The following HOMER1 variants were observed in gnomAD, a reference collection of about 807,000 sequenced individuals.
The protein encoded by HOMER1 is homer scaffold protein 1.
A neutral mutation model predicts 48.9 loss-of-function variants in HOMER1; 3 were observed. The ratio of observed to expected loss-of-function variants is 0.06; its 90% CI spans 0.03 to 0.16. The LOEUF is 0.16. HOMER1 is among the 10% of genes least tolerant of loss of function. The pLI is 1.00. For synonymous variants in HOMER1, 134 were observed against 146.4 expected, an observed-to-expected ratio of 0.92 and a Z score of 0.61; for missense variants, 247 against 411.4, an observed-to-expected ratio of 0.60 and a Z score of 3.46.
intron 1 of HOMER1, chr5:79,511,069 C>G (rs183191895): frequency 3.6e-6 from 1 of 277,640 alleles, no homozygotes; most frequent in African/African-American, 2.2e-5. Flanking sequence ...GGCATTCATG[C>G]AGCTTAAAGG....
chr5:79,494,645 G>A (rs545459428), intron 1 of HOMER1, among the ~76,000 whole-genome samples: 29 of 152,252 alleles, frequency 1.9e-4, no homozygotes, highest in African/African-American at 6.7e-4. Flanking sequence ...AAGGCGGGTG[G>A]AACACTTGAG....
intron 8 of HOMER1, among the ~76,000 whole-genome samples, chr5:79,387,657 T>A (rs1048968674): frequency 2.0e-5 from 3 of 152,204 alleles, no homozygotes; most frequent in African/African-American, 7.2e-5. Flanking sequence ...ACATTTTCTA[T>A]GTACTAGGCA....
intron 1 of HOMER1, among the ~76,000 whole-genome samples, chr5:79,487,817 A>G (rs574466425): frequency 1.3e-5 from 2 of 152,312 alleles, no homozygotes; most frequent in Admixed American, 1.3e-4. Flanking sequence ...GGTACTGAAG[A>G]TGTGTTAAGA....
At chr5:79,449,807 G>T (rs1750984175) in intron 3 of HOMER1, among the ~76,000 whole-genome samples, 1 of 152,080 alleles carries the variant, frequency 6.6e-6, no homozygotes, top group African/African-American at 2.4e-5. Flanking sequence ...TACAGAAAAT[G>T]ATTTATAATC....
At chr5:79,500,110 C>CA (rs1752534197) in intron 1 of HOMER1, among the ~76,000 whole-genome samples, 1 of 152,012 alleles carries the variant, frequency 6.6e-6, no homozygotes, top group Admixed American at 6.6e-5. Flanking sequence ...AGGACCATTG[C>CA]AAAAAAGAAA....
chr5:79,462,280 A>G (rs891473467), intron 1 of HOMER1, among the ~76,000 whole-genome samples: 4 of 152,242 alleles, frequency 2.6e-5, no homozygotes, highest in African/African-American at 7.2e-5. Context: ...AACTTCTTAC[A>G]TGAATAACCA....
chr5:79,486,032 T>C (rs1752090528), intron 1 of HOMER1, among the ~76,000 whole-genome samples: 1 of 152,180 alleles, frequency 6.6e-6, no homozygotes, highest in Non-Finnish European at 1.5e-5. Flanking sequence ...CTTAGGATAC[T>C]CACTCTTAGA....
chr5:79,475,630 A>C (rs1237082921), intron 1 of HOMER1, among the ~76,000 whole-genome samples: 1 of 152,180 alleles, frequency 6.6e-6, no homozygotes, highest in Non-Finnish European at 1.5e-5. Flanking sequence ...ACCAACTTCT[A>C]GTCTCTAAGC....
At chr5:79,506,513 G>A (rs186809965) in intron 1 of HOMER1, among the ~76,000 whole-genome samples, 2 of 152,274 alleles carry the variant, frequency 1.3e-5, no homozygotes, top group East Asian at 1.9e-4. Context: ...GAGTCATTAT[G>A]GATGTCCTAA....
chr5:79,434,590 A>G (rs1328462736), intron 5 of HOMER1, among the ~76,000 whole-genome samples: 1 of 152,166 alleles, frequency 6.6e-6, no homozygotes, highest in East Asian at 1.9e-4. Flanking sequence ...ATAGCAATTT[A>G]GATAAAATTT....
chr5:79,387,232 A>T (rs1749142197), intron 8 of HOMER1, among the ~76,000 whole-genome samples: 3 of 151,750 alleles, frequency 2.0e-5, no homozygotes, highest in Admixed American at 2.0e-4. Context: ...GGCTCACATG[A>T]TCTTCCTGCC....
At chr5:79,383,940 A>T (rs1164694729) in intron 8 of HOMER1, among the ~76,000 whole-genome samples, 6 of 152,324 alleles carry the variant, frequency 3.9e-5, no homozygotes, top group South Asian at 4.1e-4. Flanking sequence ...GATGAAAATT[A>T]AAAAATATTT....
intron 5 of HOMER1, among the ~76,000 whole-genome samples, chr5:79,433,980 A>C (rs1188303087): frequency 3.9e-5 from 6 of 152,198 alleles, no homozygotes. Flanking sequence ...ATATCCCCAA[A>C]AATACATAAA....
At chr5:79,472,018 C>T (rs1409522584) in intron 1 of HOMER1, among the ~76,000 whole-genome samples, 1 of 152,152 alleles carries the variant, frequency 6.6e-6, no homozygotes, top group Non-Finnish European at 1.5e-5. Context: ...TTTATTCTCC[C>T]CCATGGTACT....
intron 8 of HOMER1, among the ~76,000 whole-genome samples, chr5:79,393,633 G>A (rs1348701891): frequency 1.3e-5 from 2 of 152,164 alleles, no homozygotes; most frequent in African/African-American, 2.4e-5. Flanking sequence ...CAATTTCCCA[G>A]CATAAGAAAT....
At chr5:79,385,216 A>G (rs942079436) in intron 8 of HOMER1, among the ~76,000 whole-genome samples, 5 of 152,342 alleles carry the variant, frequency 3.3e-5, no homozygotes, top group Admixed American at 1.3e-4. Context: ...CTTCATGTCT[A>G]TGACTTCAAA....
chr5:79,379,334 ATT>A (rs1361114031), intron 8 of HOMER1, among the ~76,000 whole-genome samples: 1 of 107,732 alleles, frequency 9.3e-6, no homozygotes, highest in African/African-American at 3.8e-5. Flanking sequence ...ATTTATATAT[ATT>A]TATATATTTT....
At chr5:79,481,433 A>G (rs1751940947) in intron 1 of HOMER1, among the ~76,000 whole-genome samples, 1 of 152,254 alleles carries the variant, frequency 6.6e-6, no homozygotes, top group African/African-American at 2.4e-5. Context: ...GCTCCAGACC[A>G]CAGCACAGGG....
At chr5:79,435,135 T>TA (rs1204817713) in intron 5 of HOMER1, among the ~76,000 whole-genome samples, 3 of 152,204 alleles carry the variant, frequency 2.0e-5, no homozygotes, top group Non-Finnish European at 4.4e-5. Context: ...TTATAAATAC[T>TA]AAAAATGTTT....
Sources: gnomAD v4.1 joint callset for allele counts (sites outside exome capture counted in the v4.1 genomes callset) on GRCh38, gnomAD v4.1.1 for gene constraint, MANE v1.5 for transcripts, NCBI Gene and HGNC (gene_info 2026-07-23, HGNC 2026-07-21) for gene names.